SGCZ: variants seen among roughly 807,000 people sequenced by gnomAD.
SGCZ encodes zeta-sarcoglycan.
SGCZ carries 40 observed loss-of-function variants against 41.3 expected under a neutral mutation model. The observed-to-expected ratio is 0.97, with a 90% confidence interval of 0.75 to 1.26. The LOEUF is 1.26. SGCZ is among the 50% of genes most tolerant of loss of function. SGCZ has a pLI of 0.00. For synonymous variants in SGCZ, 206 were observed against 137.5 expected (o/e 1.50, Z -3.49); for missense variants, 552 against 369.8 (o/e 1.49, Z -4.04).
intron 3 of SGCZ, among the ~76,000 whole-genome samples, chr8:14,317,192 A>C (rs920012022): frequency 1.3e-5 from 2 of 152,088 alleles, no homozygotes; most frequent in Admixed American, 1.3e-4. Flanking sequence ...GCTGGGAATA[A>C]AAATAATTAA....
At chr8:14,098,826 A>G (rs1189721847) in intron 7 of SGCZ, among the ~76,000 whole-genome samples, 1 of 152,138 alleles carries the variant, frequency 6.6e-6, no homozygotes, top group Non-Finnish European at 1.5e-5. Flanking sequence ...AGAATCAAGC[A>G]TGAGCTATGG....
At chr8:14,309,251 C>T (rs1801446935) in intron 3 of SGCZ, 2 of 1,527,842 alleles carry the variant, frequency 1.3e-6, no homozygotes, top group Non-Finnish European at 1.8e-6. Flanking sequence ...TCTGTACAAC[C>T]ATATCCAGTT....
chr8:14,800,075 T>C (rs958675692), intron 1 of SGCZ, among the ~76,000 whole-genome samples: 1 of 149,946 alleles, frequency 6.7e-6, no homozygotes, highest in Non-Finnish European at 1.5e-5. Context: ...ACTCTACCTA[T>C]AAAGAATATT....
At chr8:15,159,537 C>T (rs61160528) in intron 1 of SGCZ, among the ~76,000 whole-genome samples, 49,796 of 151,860 alleles carry the variant, frequency 0.33, 8,547 homozygotes, top group East Asian at 0.58. Flanking sequence ...GTAGATGCTG[C>T]CAGAGTTGAA....
intron 1 of SGCZ, among the ~76,000 whole-genome samples, chr8:15,146,846 T>C (rs1799049842): frequency 6.6e-6 from 1 of 152,218 alleles, no homozygotes; most frequent in Admixed American, 6.5e-5. Flanking sequence ...TAAAGATCAG[T>C]TGTTTAGGCT....
chr8:14,319,317 T>A (rs1801838038), intron 3 of SGCZ: 1 of 151,954 alleles, frequency 6.6e-6, no homozygotes. Context: ...TATTCAGTGC[T>A]TGGACTTAAT....
intron 1 of SGCZ, among the ~76,000 whole-genome samples, chr8:15,234,005 A>C (rs1802044914): frequency 6.6e-6 from 1 of 152,196 alleles, no homozygotes; most frequent in Admixed American, 6.5e-5. Context: ...AAATTAATAC[A>C]GGTGAATTAG....
At chr8:14,187,046 AG>A (rs1363397592) in intron 4 of SGCZ, among the ~76,000 whole-genome samples, 1 of 152,214 alleles carries the variant, frequency 6.6e-6, no homozygotes, top group Non-Finnish European at 1.5e-5. Context: ...GGTCTGGGTC[AG>A]GGAAAGAGAA....
chr8:14,450,274 T>C (rs1032781523), intron 2 of SGCZ, among the ~76,000 whole-genome samples: 1 of 152,182 alleles, frequency 6.6e-6, no homozygotes, highest in Non-Finnish European at 1.5e-5. Context: ...AGCATCGTGA[T>C]TCTTTCTACA....
At chr8:14,497,079 C>T (rs897360966) in intron 2 of SGCZ, among the ~76,000 whole-genome samples, 14 of 152,152 alleles carry the variant, frequency 9.2e-5, no homozygotes, top group Non-Finnish European at 1.3e-4. Context: ...TGTAAATAGC[C>T]TCCTTATGAA....
chr8:14,249,857 G>A (rs1302262859), intron 3 of SGCZ, among the ~76,000 whole-genome samples: 1 of 152,100 alleles, frequency 6.6e-6, no homozygotes, highest in Admixed American at 6.6e-5. Flanking sequence ...TTGCAAGATG[G>A]CAAGATTTTG....
At chr8:14,523,267 T>C (rs919462674) in intron 2 of SGCZ, among the ~76,000 whole-genome samples, 1 of 152,018 alleles carries the variant, frequency 6.6e-6, no homozygotes, top group Non-Finnish European at 1.5e-5. Context: ...TGTTCATTCT[T>C]ACTCTTGATA....
At chr8:14,905,479 A>C (rs1178315166) in intron 1 of SGCZ, among the ~76,000 whole-genome samples, 1 of 152,046 alleles carries the variant, frequency 6.6e-6, no homozygotes, top group Non-Finnish European at 1.5e-5. Context: ...GCTCATTGGA[A>C]TTGAAACTTG....
chr8:14,120,582 G>A (rs1802667441), intron 5 of SGCZ, among the ~76,000 whole-genome samples: 1 of 151,900 alleles, frequency 6.6e-6, no homozygotes, highest in African/African-American at 2.4e-5. Context: ...TCTATAATAT[G>A]TATATTGTTT....
intron 4 of SGCZ, 107 bp from the exon 5 acceptor site, chr8:14,164,809 C>G (rs1338401921): frequency 2.2e-6 from 3 of 1,335,236 alleles, no homozygotes; most frequent in Non-Finnish European, 2.0e-6. Flanking sequence ...ATTTGTTTAT[C>G]TCTGCTGTAT....
At chr8:15,224,272 AT>A (rs979619715) in intron 1 of SGCZ, among the ~76,000 whole-genome samples, 1 of 152,174 alleles carries the variant, frequency 6.6e-6, no homozygotes, top group East Asian at 1.9e-4. Flanking sequence ...AACCTGGATA[AT>A]TTTTTTAAAG....
At chr8:14,349,166 A>C (rs866328340) in intron 2 of SGCZ, among the ~76,000 whole-genome samples, 3 of 152,276 alleles carry the variant, frequency 2.0e-5, no homozygotes, top group Middle Eastern at 3.4e-3. Flanking sequence ...AACACATCCT[A>C]ACCAATATGC....
At chr8:14,702,387 A>C (rs899630931) in intron 1 of SGCZ, among the ~76,000 whole-genome samples, 2 of 151,930 alleles carry the variant, frequency 1.3e-5, no homozygotes, top group Non-Finnish European at 2.9e-5. Context: ...GATCCAATCC[A>C]GCCCTTCTAA....
intron 1 of SGCZ, among the ~76,000 whole-genome samples, chr8:14,977,161 G>C (rs1801504166): frequency 6.6e-6 from 1 of 152,110 alleles, no homozygotes. Context: ...AGAAACATAG[G>C]AAAGAGTGTT....
Sources: allele counts gnomAD v4.1 joint callset (sites outside exome capture counted in the v4.1 genomes callset), GRCh38; gene constraint gnomAD v4.1.1; transcripts MANE v1.5; gene names NCBI Gene and HGNC (gene_info 2026-07-23, HGNC 2026-07-21).